The following HABP2 variants were observed in gnomAD, a reference collection of about 807,000 sequenced individuals.
HABP2 encodes hyaluronan binding protein 2.
In HABP2, 65 loss-of-function variants were observed where a neutral mutation model predicts 66.5. That is an observed-to-expected ratio of 0.98 (90% CI 0.80 to 1.20). The LOEUF (loss-of-function observed/expected upper bound fraction) is 1.20. Among genes scored for constraint, HABP2 ranks in the 50% most tolerant of loss-of-function variants. The probability of loss-of-function intolerance (pLI) is 0.00; values close to 1 mark genes in which losing one functional copy is unlikely to be tolerated. For missense variants in HABP2, 786 were observed against 691.0 expected (o/e 1.14, Z -1.54); for synonymous variants, 263 against 253.9 (o/e 1.04, Z -0.34).
At chr10:113,576,902 C>T (rs990205639) in intron 4 of HABP2, among the ~76,000 whole-genome samples, 1 of 152,054 alleles carries the variant, frequency 6.6e-6, no homozygotes, top group East Asian at 1.9e-4. Context: ...GAAGGTGTAA[C>T]AATTATCAAA....
At chr10:113,567,798 T>G (rs1285581666) in intron 2 of HABP2, among the ~76,000 whole-genome samples, 5 of 152,196 alleles carry the variant, frequency 3.3e-5, no homozygotes, top group Non-Finnish European at 7.3e-5. Flanking sequence ...TATAAAGAAC[T>G]GAGGCCTAGA....
intron 5 of HABP2, 122 bp from the exon 6 acceptor site, chr10:113,577,904 G>A (rs1845441193): frequency 8.2e-6 from 9 of 1,101,358 alleles, no homozygotes; most frequent in Non-Finnish European, 1.2e-5. Context: ...TTCCCATCTG[G>A]TGACCCATCT....
At position 113,557,457 on chromosome 10, in the gene HABP2, C is replaced by T. The variant is rs553595038; in HGVS notation, c.69+4267C>T. Among the ~76,000 whole-genome samples the T allele has an allele frequency of 3.3e-5, 5 of 152,264 alleles. No homozygotes were observed. The East Asian group carries it at 9.6e-4, about 29-fold the overall frequency. On this transcript the variant is annotated intron_variant, in intron 1 of 12. Transcript: ENST00000351270. ...CATTAGAGTTTCCTAAATGCAAGAG[C>T]AATTCTGCTGTCACAGAGAAACAGC... is the stretch of plus-strand genomic sequence containing the variant.
chr10:113,575,914 C>A lies in HABP2; in HGVS notation c.241C>A (p.Pro81Thr). 3 of 1,607,562 alleles carry A rather than the reference C, an allele frequency of 1.9e-6. No homozygotes were observed. Among genetic ancestry groups the A allele is most frequent in the Non-Finnish European group, 2.6e-6 (3 of 1,174,072 alleles). Residue 81 changes from proline (P) to threonine (T), a missense_variant, in exon 4 of 13, where the codon CCC (proline) becomes ACC (threonine). By Grantham distance (38) the Pro-to-Thr change is conservative. Coordinates refer to ENST00000351270, the MANE Select transcript of HABP2 (RefSeq NM_004132.5). ...EDQADPCQPN[P>T]CEHGGDCLVH... ...TGTCTTAGATCCATGCCAGCCCAAC[C>A]CCTGTGAACACGGTGGGGACTGCCT...
intron 1 of HABP2, among the ~76,000 whole-genome samples, chr10:113,558,985 G>T (rs1441879994): frequency 6.6e-6 from 1 of 152,146 alleles, no homozygotes; most frequent in Non-Finnish European, 1.5e-5. Flanking sequence ...CTCCTGAGTA[G>T]CTGGGATTAC....
Position 113,584,151 on chromosome 10 carries a change from T to C in HABP2, c.1241T>C (p.Leu414Ser). The change falls in exon 11 of 13, where the codon TTG (leucine) becomes TCG (serine). Residue 414 changes from leucine (L) to serine (S), a missense_variant. Coordinates refer to ENST00000351270, the MANE Select transcript of HABP2 (RefSeq NM_004132.5). ...TTCTACCTCTCTCTCCACCTAGCATTGCTCAAGTTAAAGCCAGTGGATGGT... is the reference window on the plus strand; with the variant it reads ...TTCTACCTCTCTCTCCACCTAGCATCGCTCAAGTTAAAGCCAGTGGATGGT... ...RDEIPHNDIA[L>S]LKLKPVDGHC... The C allele has an allele frequency of 6.2e-7, 1 of 1,613,874 alleles. No individual in the cohort carries two copies. The highest frequency in any genetic ancestry group is 8.5e-7 in the Non-Finnish European group (1 of 1,179,784).
At chr10:113,579,459 C>T (rs1565105501) in intron 7 of HABP2, among the ~76,000 whole-genome samples, 1 of 152,168 alleles carries the variant, frequency 6.6e-6, no homozygotes, top group Non-Finnish European at 1.5e-5. Context: ...CTTTGTTGGT[C>T]AGAAATAATC....
At position 113,580,625 on chromosome 10, in the gene HABP2, C is replaced by G. The variant is rs372047979; in HGVS notation, c.771C>G (p.Cys257Trp). 1.3e-6 allele frequency: 2 copies of G among 1,599,552 alleles called. No individual in the cohort carries two copies. The highest frequency in any genetic ancestry group is 1.7e-5 in the Admixed American group (1 of 59,958). ...RNPDADEKPW[C>W]FIKVTNDKVK... ...CAGATGCGGACGAAAAGCCCTGGTG[C>G]TTTATTAAAGTTACCAATGACAAGG... Residue 257 changes from cysteine (C) to tryptophan (W), a missense_variant, in exon 8 of 13, where the codon TGC becomes TGG. Transcript: ENST00000351270.
intron 12 of HABP2, among the ~76,000 whole-genome samples, chr10:113,586,200 A>T (rs1298803227): frequency 6.6e-6 from 1 of 152,236 alleles, no homozygotes; most frequent in Non-Finnish European, 1.5e-5. Flanking sequence ...GGTGAAGGTG[A>T]TGTCATGATC....
intron 2 of HABP2, among the ~76,000 whole-genome samples, chr10:113,573,233 C>T (rs1473415873): frequency 6.6e-6 from 1 of 152,216 alleles, no homozygotes; most frequent in African/African-American, 2.4e-5. Context: ...AGCCACAGAG[C>T]TACCAGGATC....
intron 1 of HABP2, among the ~76,000 whole-genome samples, chr10:113,558,509 G>T (rs1275932632): frequency 6.6e-6 from 1 of 152,238 alleles, no homozygotes; most frequent in Admixed American, 6.5e-5. Flanking sequence ...GCACCCGCCA[G>T]TCCTTCCCCC....
chr10:113,563,535 TGCACATCG>T (rs1845138499), intron 1 of HABP2, among the ~76,000 whole-genome samples: 1 of 151,934 alleles, frequency 6.6e-6, no homozygotes, highest in Non-Finnish European at 1.5e-5. Context: ...CAGCCCAAGC[TGCACATCG>T]GCTTCAGGCT....
chr10:113,579,910 G>A (rs1009568424), intron 7 of HABP2, among the ~76,000 whole-genome samples: 1 of 152,106 alleles, frequency 6.6e-6, no homozygotes, highest in Non-Finnish European at 1.5e-5. Flanking sequence ...AGCCTTCCAA[G>A]TAGCTGGGAT....
At chr10:113,555,425 C>T (rs1844973974) in intron 1 of HABP2, among the ~76,000 whole-genome samples, 2 of 151,918 alleles carry the variant, frequency 1.3e-5, no homozygotes, top group Non-Finnish European at 2.9e-5. Context: ...AGACCAGGCA[C>T]ATGTTTGCTG....
In HABP2 at chr10:113,580,594, G is replaced by A. The variant is rs74583635; in HGVS notation, c.741-1G>A. The A allele has an allele frequency of 6.6e-7, 1 of 1,515,082 alleles. No individual in the cohort carries two copies. The highest frequency in any genetic ancestry group is 9.2e-7 in the Non-Finnish European group (1 of 1,089,950). The allele number at this position is 1,515,082 out of a possible 1,614,324, so 93.9% of individuals were successfully genotyped here. A position where few individuals can be genotyped will look rare whatever the true frequency, so the allele number is the denominator to read the frequency against. ...CTGAGTTGTTTTGTTTTGTATTTTA[G>A]AAACCCAGATGCGGACGAAAAGCCC... is the stretch of plus-strand genomic sequence containing the variant. On this transcript the variant is annotated splice_acceptor_variant, in intron 7 of 12. Transcript: ENST00000351270. LOFTEE classifies it high-confidence loss of function.
chr10:113,589,306 TAG>T lies in HABP2; in HGVS notation c.*938_*939del. 1.7e-6 allele frequency: 1 copy of T among 579,138 alleles called. No homozygotes were observed. The highest frequency in any genetic ancestry group is 3.0e-6 in the Non-Finnish European group (1 of 327,942). The allele number at this position is 579,138 out of a possible 1,614,324, so 35.9% of individuals were successfully genotyped here. A position where few individuals can be genotyped will look rare whatever the true frequency, so the allele number is the denominator to read the frequency against. On this transcript the variant is annotated 3_prime_UTR_variant, in exon 13 of 13. Transcript: ENST00000351270. ...CCTGGCTTCTTTCTTCTGAACAAAG[TAG>T]GGTTCAAAATGCAGACTGTCATATC...
Position 113,584,239 on chromosome 10 carries a change from T to C in HABP2, c.1329T>C (p.Ser443=), listed in dbSNP as rs1564681239. The part of the protein sequence containing the change: ...TVCLPDGSFP[S]GSECHISGWG... ...GCTTGCCTGATGGGTCCTTTCCCTC[T>C]GGGAGTGAGTGCCACATCTCTGGCT... is the stretch of plus-strand genomic sequence containing the variant. The change falls in exon 11 of 13, where the codon TCT becomes TCC. Residue 443 remains serine, a synonymous_variant. Coordinates refer to ENST00000351270, the MANE Select transcript of HABP2 (RefSeq NM_004132.5). 6.2e-7 allele frequency: 1 copy of C among 1,613,894 alleles called. No homozygotes were observed. Among genetic ancestry groups the C allele is most frequent in the Non-Finnish European group, 8.5e-7 (1 of 1,179,724 alleles).
intron 1 of HABP2, among the ~76,000 whole-genome samples, chr10:113,562,481 T>C (rs6585231): frequency 0.23 from 34,135 of 147,454 alleles, 5,034 homozygotes; most frequent in East Asian, 0.5. Flanking sequence ...GTCTCATTCT[T>C]TCACCCAAGC....
chr10:113,572,380 A>T (rs1310768590), intron 2 of HABP2, among the ~76,000 whole-genome samples: 2 of 152,226 alleles, frequency 1.3e-5, no homozygotes, highest in African/African-American at 4.8e-5. Context: ...AAAAGAAGTA[A>T]TTCTTAATGG....
Sources: allele counts gnomAD v4.1 joint callset (sites outside exome capture counted in the v4.1 genomes callset), GRCh38; gene constraint gnomAD v4.1.1; transcripts MANE v1.5; gene names NCBI Gene and HGNC (gene_info 2026-07-23, HGNC 2026-07-21).